PITPNC1: variants seen among roughly 807,000 people sequenced by gnomAD.
PITPNC1 encodes the protein phosphatidylinositol transfer protein cytoplasmic 1.
A neutral mutation model predicts 44.7 loss-of-function variants in PITPNC1; 18 were observed. The ratio of observed to expected loss-of-function variants is 0.40; its 90% CI spans 0.28 to 0.60. The LOEUF (loss-of-function observed/expected upper bound fraction) is 0.60. Ranked by LOEUF, PITPNC1 falls within the 20% of genes least tolerant of loss-of-function variation. PITPNC1 has a pLI of 0.39. For missense variants in PITPNC1, 290 were observed against 418.4 expected (o/e 0.69, Z 2.68); for synonymous variants, 141 against 149.6 (o/e 0.94, Z 0.42).
chr17:67,493,523 G>T (rs554443077), intron 1 of PITPNC1, among the ~76,000 whole-genome samples: 36 of 152,316 alleles, frequency 2.4e-4, no homozygotes, highest in African/African-American at 8.7e-4. Context: ...TAAATATTCT[G>T]CTTTGATAAG....
chr17:67,489,291 G>A (rs1297375133), intron 1 of PITPNC1, among the ~76,000 whole-genome samples: 1 of 152,190 alleles, frequency 6.6e-6, no homozygotes, highest in Non-Finnish European at 1.5e-5. Flanking sequence ...ATGGAAGAGT[G>A]GCCCTGTTCC....
At position 67,693,104 on chromosome 17, in the gene PITPNC1, C is replaced by T. The variant is rs991540974; in HGVS notation, c.*216C>T. The T allele has an allele frequency of 9.6e-6, 5 of 519,760 alleles. No individual in the cohort carries two copies. The African/African-American group carries it at 9.7e-5, about 10-fold the overall frequency. 32.2% of individuals were successfully genotyped at this position (519,760 alleles called of 1,614,324 possible). On this transcript the variant is annotated 3_prime_UTR_variant, in exon 9 of 9. Transcript: ENST00000581322. Reference sequence around the variant, plus strand: ...TGTAAGATGTAAGACTTGCAAAGGACAGAAGGAATCTTCTGTAACCACATA... The same window carrying T: ...TGTAAGATGTAAGACTTGCAAAGGATAGAAGGAATCTTCTGTAACCACATA...
intron 1 of PITPNC1, among the ~76,000 whole-genome samples, chr17:67,436,427 G>C (rs577042775): frequency 5.9e-5 from 9 of 152,276 alleles, no homozygotes; most frequent in Admixed American, 5.2e-4. Flanking sequence ...GCAAGTACTA[G>C]CATGGCCTCT....
At chr17:67,470,486 A>G (rs1316348263) in intron 1 of PITPNC1, among the ~76,000 whole-genome samples, 1 of 152,226 alleles carries the variant, frequency 6.6e-6, no homozygotes, top group South Asian at 2.1e-4. Flanking sequence ...CTATAGATGC[A>G]GTCATACAGA....
chr17:67,656,053 C>T (rs1381129666), intron 6 of PITPNC1, among the ~76,000 whole-genome samples: 1 of 152,210 alleles, frequency 6.6e-6, no homozygotes, highest in Non-Finnish European at 1.5e-5. Context: ...TTCTCAGCTT[C>T]AGGTTCCTCA....
intron 1 of PITPNC1, among the ~76,000 whole-genome samples, chr17:67,458,540 C>T (rs527709215): frequency 5.9e-5 from 9 of 152,206 alleles, no homozygotes; most frequent in African/African-American, 2.2e-4. Context: ...CTGACTCTTA[C>T]TTTTTTCCCA....
chr17:67,651,581 A>G (rs970354000), intron 6 of PITPNC1, among the ~76,000 whole-genome samples: 1 of 152,224 alleles, frequency 6.6e-6, no homozygotes, highest in Non-Finnish European at 1.5e-5. Context: ...GCCATTTTGA[A>G]TGTATAGTTC....
chr17:67,389,924 C>T (rs1159844400), intron 1 of PITPNC1, among the ~76,000 whole-genome samples: 2 of 152,044 alleles, frequency 1.3e-5, no homozygotes, highest in African/African-American at 2.4e-5. Context: ...CGTGATCCAC[C>T]CACCTCGGCC....
chr17:67,385,151 CTG>C (rs2038022642), intron 1 of PITPNC1, among the ~76,000 whole-genome samples: 1 of 152,134 alleles, frequency 6.6e-6, no homozygotes, highest in Admixed American at 6.6e-5. Flanking sequence ...GAGAACTTTT[CTG>C]TCTTACAAGA....
At chr17:67,554,796 G>A (rs1401716966) in intron 4 of PITPNC1, among the ~76,000 whole-genome samples, 1 of 152,178 alleles carries the variant, frequency 6.6e-6, no homozygotes, top group Non-Finnish European at 1.5e-5. Context: ...GAAAGGCTTG[G>A]CTGTCCTCTG....
At chr17:67,425,193 G>GCGCGCGCACACACACA (rs1160522771) in intron 1 of PITPNC1, among the ~76,000 whole-genome samples, 3 of 52,118 alleles carry the variant, frequency 5.8e-5, no homozygotes, top group East Asian at 5.5e-4. Context: ...TTGTGCGCGC[G>GCGCGCGCACACACACA]CACGCACACG....
At chr17:67,526,555 C>G (rs1370472410) in intron 1 of PITPNC1, among the ~76,000 whole-genome samples, 2 of 151,722 alleles carry the variant, frequency 1.3e-5, no homozygotes, top group African/African-American at 4.8e-5. Context: ...CTGGTGAAAC[C>G]CCGTTTCTAC....
At chr17:67,524,392 C>G (rs1485537706) in intron 1 of PITPNC1, 4 of 151,870 alleles carry the variant, frequency 2.6e-5, no homozygotes, top group African/African-American at 9.7e-5. Flanking sequence ...CTGCAATGAG[C>G]TACGGTCATA....
intron 1 of PITPNC1, among the ~76,000 whole-genome samples, chr17:67,459,106 T>C (rs1229273331): frequency 2.0e-5 from 3 of 146,674 alleles, no homozygotes; most frequent in Non-Finnish European, 3.0e-5. Flanking sequence ...CTTTTTTTTT[T>C]CTTTTTCTTT....
chr17:67,402,970 C>A (rs1224045446), intron 1 of PITPNC1, among the ~76,000 whole-genome samples: 2 of 152,028 alleles, frequency 1.3e-5, no homozygotes, highest in Non-Finnish European at 2.9e-5. Flanking sequence ...CCTAGCCTGA[C>A]CACGTTTTTG....
chr17:67,377,795 C>T lies in PITPNC1; in HGVS notation c.-360C>T, dbSNP rs1275270870. On this transcript the variant is annotated 5_prime_UTR_variant, in exon 1 of 9. Coordinates refer to ENST00000581322, the MANE Select transcript of PITPNC1 (RefSeq NM_012417.4). ...TTTTGGAAATCTCTCTTTTTTCCTC[C>T]CTCGCTCGCTGCCGGGCATGTCCTG... is the stretch of plus-strand genomic sequence containing the variant. 3 of 260,086 alleles carry T rather than the reference C, an allele frequency of 1.2e-5. No individual in the cohort carries two copies. The highest frequency in any genetic ancestry group is 2.2e-5 in the Non-Finnish European group (3 of 137,902). The allele number at this position is 260,086 out of a possible 1,614,324, so 16.1% of individuals were successfully genotyped here.
intron 5 of PITPNC1, among the ~76,000 whole-genome samples, chr17:67,586,583 A>G (rs566039367): frequency 6.6e-6 from 1 of 152,204 alleles, no homozygotes; most frequent in African/African-American, 2.4e-5. Flanking sequence ...TGACAAGAGC[A>G]AAACTCCATC....
chr17:67,420,349 CTCTT>C (rs1320276577), intron 1 of PITPNC1, among the ~76,000 whole-genome samples: 3 of 137,770 alleles, frequency 2.2e-5, no homozygotes, highest in African/African-American at 8.6e-5. Context: ...TTTTCTCTCT[CTCTT>C]TCTCTCTCTC....
intron 1 of PITPNC1, among the ~76,000 whole-genome samples, chr17:67,474,067 A>T (rs901323073): frequency 6.6e-6 from 1 of 152,180 alleles, no homozygotes; most frequent in Non-Finnish European, 1.5e-5. Flanking sequence ...AGTTAACCTA[A>T]CTGTGAGCCA....
Sources: gnomAD v4.1 joint callset for allele counts (sites outside exome capture counted in the v4.1 genomes callset) on GRCh38, gnomAD v4.1.1 for gene constraint, MANE v1.5 for transcripts, NCBI Gene and HGNC (gene_info 2026-07-23, HGNC 2026-07-21) for gene names.